ANKRD28: variants seen among roughly 807,000 people sequenced by gnomAD.
ANKRD28 encodes the protein ankyrin repeat domain 28.
In ANKRD28, 44 loss-of-function variants were observed where a neutral mutation model predicts 126.5. The observed-to-expected ratio is 0.35, with a 90% CI of 0.27 to 0.45. The LOEUF (loss-of-function observed/expected upper bound fraction) is 0.45, where lower values mean the gene tolerates loss of function less well. Among genes scored for constraint, ANKRD28 ranks in the 20% least tolerant of loss-of-function variants. The pLI, the probability that ANKRD28 is intolerant of heterozygous loss-of-function variation, is 1.00. For synonymous variants in ANKRD28, 442 were observed against 468.5 expected (o/e 0.94, Z 0.73); for missense variants, 1,110 against 1,316.6 (o/e 0.84, Z 2.43).
At chr3:15,762,440 T>C (rs2058537995) in intron 3 of ANKRD28, among the ~76,000 whole-genome samples, 3 of 152,252 alleles carry the variant, frequency 2.0e-5, no homozygotes, top group Admixed American at 1.3e-4. Context: ...AAGGTACTTA[T>C]ATCATATTAA....
chr3:15,828,321 G>A (rs1197996884), intron 1 of ANKRD28, among the ~76,000 whole-genome samples: 1 of 152,120 alleles, frequency 6.6e-6, no homozygotes, highest in Non-Finnish European at 1.5e-5. Context: ...TGAAGTTAGG[G>A]CTGGACGCGG....
At chr3:15,741,223 A>C (rs2075446582) in intron 4 of ANKRD28, among the ~76,000 whole-genome samples, 1 of 152,024 alleles carries the variant, frequency 6.6e-6, no homozygotes, top group Non-Finnish European at 1.5e-5. Context: ...AAAAACAAAA[A>C]ACGTGTCAGA....
chr3:15,730,234 A>C (rs1246209582), intron 6 of ANKRD28, among the ~76,000 whole-genome samples: 1 of 152,204 alleles, frequency 6.6e-6, no homozygotes, highest in Non-Finnish European at 1.5e-5. Context: ...ACTTGGCTGA[A>C]TATTTCTAAA....
intron 2 of ANKRD28, among the ~76,000 whole-genome samples, chr3:15,775,201 A>G (rs930991082): frequency 2.0e-5 from 3 of 152,210 alleles, no homozygotes; most frequent in African/African-American, 7.2e-5. Context: ...GGTACTTCAT[A>G]AAAGAGGCTG....
chr3:15,762,219 CAAAAAAA>C lies in ANKRD28; in HGVS notation c.280+4008_280+4014del, dbSNP rs1553624317. On this transcript the variant is annotated intron_variant, in intron 3 of 27. Transcript: ENST00000683139. Reference sequence around the variant, plus strand: ...AAAAAAAAAAAAAAAAAAAACAAAACAAAAAAAAAAAAACTCTCCTGGTTCCTTCCTC... The same window carrying C: ...AAAAAAAAAAAAAAAAAAAACAAAACAAAAAACTCTCCTGGTTCCTTCCTC... Among the ~76,000 whole-genome samples the C allele has an allele frequency of 3.4e-4, 13 of 37,874 alleles. 1 individual carries two copies. The highest frequency in any genetic ancestry group is 2.5e-3 in the Admixed American group (6 of 2,422). 24.8% of individuals were successfully genotyped at this position (37,874 alleles called of 152,430 possible).
intron 18 of ANKRD28, among the ~76,000 whole-genome samples, chr3:15,688,200 A>G (rs913023767): frequency 6.6e-6 from 1 of 152,246 alleles, no homozygotes; most frequent in Non-Finnish European, 1.5e-5. Flanking sequence ...TTAGTTCTGC[A>G]TATGATCTGC....
intron 17 of ANKRD28, among the ~76,000 whole-genome samples, chr3:15,692,538 C>G (rs1322188841): frequency 1.3e-5 from 2 of 152,188 alleles, no homozygotes; most frequent in Admixed American, 1.3e-4. Flanking sequence ...CTTTTCCCCC[C>G]ATGATATCCT....
At chr3:15,781,051 A>G (rs566307976) in intron 2 of ANKRD28, among the ~76,000 whole-genome samples, 7 of 152,258 alleles carry the variant, frequency 4.6e-5, no homozygotes, top group African/African-American at 1.7e-4. Flanking sequence ...ACAAAAACAA[A>G]AACTGGCAAA....
At chr3:15,689,521 A>G (rs1190512548) in intron 18 of ANKRD28, among the ~76,000 whole-genome samples, 1 of 152,214 alleles carries the variant, frequency 6.6e-6, no homozygotes, top group East Asian at 1.9e-4. Context: ...GAAGGGAGCT[A>G]CTTGGGGGCA....
chr3:15,737,419 C>T (rs574630636), intron 4 of ANKRD28, among the ~76,000 whole-genome samples, 186 bp from the exon 5 acceptor site: 23 of 135,964 alleles, frequency 1.7e-4, no homozygotes, highest in African/African-American at 5.8e-4. Flanking sequence ...GAATGTAAAG[C>T]GATACTGAGA....
intron 2 of ANKRD28, among the ~76,000 whole-genome samples, chr3:15,789,857 T>C (rs578052501): frequency 3.3e-5 from 5 of 151,970 alleles, no homozygotes; most frequent in South Asian, 2.1e-4. Context: ...AAAAATACAA[T>C]TGACAAATCT....
At chr3:15,722,493 A>G (rs2073834352) in intron 7 of ANKRD28, among the ~76,000 whole-genome samples, 1 of 152,154 alleles carries the variant, frequency 6.6e-6, no homozygotes, top group African/African-American at 2.4e-5. Flanking sequence ...TGTCCCTGTA[A>G]TAAACCACAA....
At chr3:15,804,870 T>C (rs1021807647) in intron 1 of ANKRD28, among the ~76,000 whole-genome samples, 1 of 145,090 alleles carries the variant, frequency 6.9e-6, no homozygotes, top group Non-Finnish European at 1.5e-5. Flanking sequence ...CAACAAGAAA[T>C]AGAAGGATCA....
intron 2 of ANKRD28, among the ~76,000 whole-genome samples, chr3:15,780,116 A>AG (rs1211996820): frequency 6.6e-5 from 10 of 152,334 alleles, no homozygotes; most frequent in African/African-American, 2.2e-4. Flanking sequence ...ATCCTAATAA[A>AG]AAAGAAAGAA....
At chr3:15,707,862 C>A in intron 14 of ANKRD28, 62 bp downstream of exon 14, 1 of 1,550,002 alleles carries the variant, frequency 6.5e-7, no homozygotes. Flanking sequence ...CAAAAACATC[C>A]ATATGGAAGA....
chr3:15,719,949 C>T (rs1276481503), intron 8 of ANKRD28, among the ~76,000 whole-genome samples: 1 of 152,154 alleles, frequency 6.6e-6, no homozygotes, highest in East Asian at 1.9e-4. Flanking sequence ...CAGCTCACTG[C>T]AGCCTTGACC....
intron 1 of ANKRD28, among the ~76,000 whole-genome samples, chr3:15,825,751 G>A (rs1219062489): frequency 6.6e-6 from 1 of 151,998 alleles, no homozygotes; most frequent in Admixed American, 6.6e-5. Context: ...CCTACAGATA[G>A]ATAGATAATA....
At chr3:15,840,856 C>T (rs1437085561) in intron 1 of ANKRD28, among the ~76,000 whole-genome samples, 1 of 152,118 alleles carries the variant, frequency 6.6e-6, no homozygotes, top group Admixed American at 6.5e-5. Context: ...AATGAAGACT[C>T]CTGGCCGGGT....
intron 4 of ANKRD28, among the ~76,000 whole-genome samples, chr3:15,741,195 T>C (rs2075441300): frequency 6.7e-6 from 1 of 149,650 alleles, no homozygotes; most frequent in African/African-American, 2.5e-5. Context: ...CGAGACTCCA[T>C]CTCAAAAAAA....
Sources: allele counts gnomAD v4.1 joint callset (sites outside exome capture counted in the v4.1 genomes callset), GRCh38; gene constraint gnomAD v4.1.1; transcripts MANE v1.5; gene names NCBI Gene and HGNC (gene_info 2026-07-23, HGNC 2026-07-21).